DACH2: variants seen among roughly 807,000 people sequenced by gnomAD.
The protein encoded by DACH2 is dachshund homolog 2.
In DACH2, 17 loss-of-function variants were observed where a neutral mutation model predicts 35.8. The observed-to-expected ratio is 0.48, with a 90% CI of 0.33 to 0.71. DACH2 has a LOEUF of 0.71. DACH2 is among the 30% of genes least tolerant of loss of function. The pLI, the probability that DACH2 is intolerant of heterozygous loss-of-function variation, is 0.02. For missense variants in DACH2, 469 were observed against 472.7 expected, an observed-to-expected ratio of 0.99 and a Z score of 0.07; for synonymous variants, 195 against 177.3, an observed-to-expected ratio of 1.10 and a Z score of -0.79.
chrX:86,399,134 A>C (rs761831706), intron 2 of DACH2, among the ~76,000 whole-genome samples: 3 of 111,956 alleles, frequency 2.7e-5, no homozygotes, highest in Non-Finnish European at 5.6e-5. Flanking sequence ...ACCATTATGT[A>C]ATGCCCTTCT....
At chrX:86,294,623 TGTTA>T (rs2034399864) in intron 1 of DACH2, among the ~76,000 whole-genome samples, 1 of 109,642 alleles carries the variant, frequency 9.1e-6, no homozygotes, top group African/African-American at 3.3e-5. Context: ...CCTTTCTGTT[TGTTA>T]GTTTTCCTTC....
intron 1 of DACH2, among the ~76,000 whole-genome samples, chrX:86,257,277 T>A (rs2033539561): frequency 1.8e-5 from 2 of 112,042 alleles, no homozygotes; most frequent in African/African-American, 6.5e-5. Context: ...GGCAATGTGC[T>A]AAACTCTTTA....
chrX:86,173,404 G>T (rs1237566892), intron 1 of DACH2, among the ~76,000 whole-genome samples: 1 of 111,836 alleles, frequency 8.9e-6, no homozygotes, highest in Non-Finnish European at 1.9e-5. Context: ...GCAAAGTAAG[G>T]GTATGGGAGG....
chrX:86,450,215 T>A (rs1456426249), intron 2 of DACH2, among the ~76,000 whole-genome samples: 1 of 110,716 alleles, frequency 9.0e-6, no homozygotes, highest in Non-Finnish European at 1.9e-5. Context: ...TTCCTGATCC[T>A]CTCCATCCTC....
Position 86,225,403 on chromosome X carries a change from A to G in DACH2, c.488+76295A>G, listed in dbSNP as rs1423610322. ...AGTGGCTTAGGATTTTTGTATTTCA[A>G]ATTTATCCTGGGAATTACCTAGTTT... On this transcript the variant is annotated intron_variant, in intron 1 of 11. Transcript: ENST00000373125. Among the ~76,000 whole-genome samples the G allele has an allele frequency of 3.6e-5, 4 of 111,179 alleles. No homozygotes were observed. The South Asian group carries it at 1.1e-3, about 31-fold the overall frequency.
At chrX:86,195,123 T>C (rs1010953740) in intron 1 of DACH2, among the ~76,000 whole-genome samples, 3 of 112,998 alleles carry the variant, frequency 2.7e-5, no homozygotes, top group African/African-American at 9.6e-5. Context: ...TTTGCCAGCA[T>C]GTGCGTGTAC....
intron 1 of DACH2, among the ~76,000 whole-genome samples, chrX:86,230,249 T>C (rs745624721): frequency 7.2e-5 from 8 of 111,749 alleles, no homozygotes; most frequent in Non-Finnish European, 1.5e-4. Context: ...ATTCTGTTTA[T>C]GTGGTGAATC....
chrX:86,776,818 A>G (rs953811985), intron 7 of DACH2, among the ~76,000 whole-genome samples: 7 of 111,002 alleles, frequency 6.3e-5, no homozygotes, highest in African/African-American at 2.3e-4. Context: ...ATTCCCACCT[A>G]TGAGTGAGAA....
intron 4 of DACH2, 48 bp from the exon 5 acceptor site, chrX:86,694,973 C>A: frequency 2.1e-6 from 2 of 968,053 alleles, no homozygotes; most frequent in East Asian, 3.7e-5. Context: ...AAAAAGCCTT[C>A]TTATGAAAGT....
intron 11 of DACH2, among the ~76,000 whole-genome samples, chrX:86,817,330 TC>T (rs1287843073): frequency 9.0e-6 from 1 of 110,721 alleles, no homozygotes; most frequent in Non-Finnish European, 1.9e-5. Context: ...TCAGTGTTTG[TC>T]CAACCAATTC....
chrX:86,643,388 C>A, intron 3 of DACH2, among the ~76,000 whole-genome samples: 1 of 110,281 alleles, frequency 9.1e-6, no homozygotes, highest in South Asian at 3.9e-4. Context: ...TTCCTGGACA[C>A]ATACAACCTC....
Position 86,449,420 on chromosome X carries a change from C to G in DACH2, c.528-64859C>G, listed in dbSNP as rs775337210. Among the ~76,000 whole-genome samples the G allele has an allele frequency of 1.3e-3, 141 of 110,335 alleles. 1 individual carries two copies. The highest frequency in any genetic ancestry group is 9.4e-3 in the Middle Eastern group (2 of 212). ...GTCAATTTTGGATCTTTCCTGCTTTCTCTTTGTTTCTTTATTTATTTAGCC... is the reference window on the plus strand; with the variant it reads ...GTCAATTTTGGATCTTTCCTGCTTTGTCTTTGTTTCTTTATTTATTTAGCC... On this transcript the variant is annotated intron_variant, in intron 2 of 11. Transcript: ENST00000373125.
chrX:86,234,009 T>C (rs2147935692), intron 1 of DACH2, among the ~76,000 whole-genome samples: 1 of 112,183 alleles, frequency 8.9e-6, no homozygotes, highest in African/African-American at 3.2e-5. Context: ...AGAGACTTTG[T>C]AGAGGAAATG....
At chrX:86,338,861 C>A (rs1339995579) in intron 1 of DACH2, among the ~76,000 whole-genome samples, 1 of 111,508 alleles carries the variant, frequency 9.0e-6, no homozygotes, top group Non-Finnish European at 1.9e-5. Flanking sequence ...CAAATAGATG[C>A]AATAAAAAGT....
intron 2 of DACH2, among the ~76,000 whole-genome samples, chrX:86,428,479 C>T (rs1406190634): frequency 8.9e-6 from 1 of 111,746 alleles, no homozygotes; most frequent in Non-Finnish European, 1.9e-5. Context: ...TTGTCATCTG[C>T]TTCAGACGGA....
At chrX:86,633,646 C>T (rs1005466228) in intron 3 of DACH2, among the ~76,000 whole-genome samples, 1 of 111,322 alleles carries the variant, frequency 9.0e-6, no homozygotes, top group African/African-American at 3.3e-5. Flanking sequence ...CAGACAAGCA[C>T]ACAACTAAAA....
chrX:86,644,868 G>A (rs1397379659), intron 3 of DACH2, among the ~76,000 whole-genome samples: 1 of 111,162 alleles, frequency 9.0e-6, no homozygotes, highest in Non-Finnish European at 1.9e-5. Flanking sequence ...GTCATATGGA[G>A]CAGATTGAAG....
chrX:86,770,621 G>A (rs2041979395), intron 7 of DACH2, among the ~76,000 whole-genome samples: 1 of 112,036 alleles, frequency 8.9e-6, no homozygotes, highest in Non-Finnish European at 1.9e-5. Flanking sequence ...TTGGTAAAGT[G>A]ACAAGGTTGA....
Position 86,407,331 on chromosome X carries a change from C to T in DACH2, c.527+30469C>T, listed in dbSNP as rs145064650. Among the ~76,000 whole-genome samples the T allele has an allele frequency of 2.4e-3, 269 of 111,788 alleles. 1 individual carries two copies. The highest frequency in any genetic ancestry group is 4.2e-3 in the Non-Finnish European group (225 of 53,157). ...GAAAAGGATACTAATATTACCTACA[C>T]TGTTACTTTTTTATGAGAAGATATA... On this transcript the variant is annotated intron_variant, in intron 2 of 11. Transcript: ENST00000373125.
Sources: allele counts gnomAD v4.1 joint callset (sites outside exome capture counted in the v4.1 genomes callset), GRCh38; gene constraint gnomAD v4.1.1; transcripts MANE v1.5; gene names NCBI Gene and HGNC (gene_info 2026-07-23, HGNC 2026-07-21).